The following TGFBR1 variants were observed in gnomAD, a reference collection of about 807,000 sequenced individuals.
TGFBR1 encodes transforming growth factor beta receptor 1.
Under a neutral mutation model 55.1 loss-of-function variants are expected in TGFBR1, and 20 were observed. The ratio of observed to expected loss-of-function variants is 0.36; its 90% CI spans 0.26 to 0.53. The LOEUF (loss-of-function observed/expected upper bound fraction) is 0.53. TGFBR1 is among the 20% of genes least tolerant of loss of function. TGFBR1 has a pLI of 0.91. For missense variants in TGFBR1, 385 were observed against 617.6 expected (o/e 0.62, Z 3.99); for synonymous variants, 220 against 214.8 (o/e 1.02, Z -0.21).
intron 3 of TGFBR1, among the ~76,000 whole-genome samples, chr9:99,134,037 T>C (rs1221901327): frequency 2.6e-5 from 4 of 151,668 alleles, no homozygotes; most frequent in Non-Finnish European, 5.9e-5. Context: ...ATTTTATAAT[T>C]GAGTGATATT....
intron 1 of TGFBR1, among the ~76,000 whole-genome samples, chr9:99,111,595 C>G (rs1190759661): frequency 1.3e-5 from 2 of 152,076 alleles, no homozygotes; most frequent in Non-Finnish European, 2.9e-5. Flanking sequence ...CGCCACTGCA[C>G]TCCAGCCCGG....
At chr9:99,149,057 A>G in intron 8 of TGFBR1, 123 bp from the exon 9 acceptor site, 1 of 1,048,638 alleles carries the variant, frequency 9.5e-7, no homozygotes, top group Non-Finnish European at 1.4e-6. Context: ...GCTATTACAA[A>G]TAATGCTTAA....
intron 1 of TGFBR1, among the ~76,000 whole-genome samples, chr9:99,115,207 T>G (rs1207771861): frequency 6.6e-6 from 1 of 152,150 alleles, no homozygotes; most frequent in Non-Finnish European, 1.5e-5. Flanking sequence ...TTTCTGCAGT[T>G]GCTGTACTAC....
At chr9:99,146,138 C>T (rs1246486719) in intron 6 of TGFBR1, among the ~76,000 whole-genome samples, 1 of 152,092 alleles carries the variant, frequency 6.6e-6, no homozygotes, top group Non-Finnish European at 1.5e-5. Flanking sequence ...CTTTCATCCT[C>T]AGTGAGAAGA....
chr9:99,130,995 G>A (rs552340573), intron 2 of TGFBR1, among the ~76,000 whole-genome samples: 12 of 152,240 alleles, frequency 7.9e-5, no homozygotes, highest in Admixed American at 5.9e-4. Flanking sequence ...CAGTTGGTGA[G>A]CATATTAAGA....
At chr9:99,134,182 G>A (rs1446216549) in intron 3 of TGFBR1, among the ~76,000 whole-genome samples, 4 of 152,128 alleles carry the variant, frequency 2.6e-5, no homozygotes, top group African/African-American at 4.8e-5. Context: ...ATATTGGTAT[G>A]TATGCATATC....
chr9:99,115,712 C>G (rs373956183), intron 1 of TGFBR1, among the ~76,000 whole-genome samples: 8 of 152,152 alleles, frequency 5.3e-5, no homozygotes, highest in African/African-American at 1.9e-4. Flanking sequence ...AGTACTTTCT[C>G]CAGTTGAAAA....
upstream of TGFBR1, among the ~76,000 whole-genome samples, chr9:99,104,828 C>T (rs909256313): frequency 2.6e-5 from 4 of 151,366 alleles, no homozygotes; most frequent in Non-Finnish European, 5.9e-5. Flanking sequence ...AGCGGCTGAG[C>T]GGTGCTGGGG....
intron 1 of TGFBR1, among the ~76,000 whole-genome samples, chr9:99,116,145 A>G (rs1343893904): frequency 6.7e-6 from 1 of 150,258 alleles, no homozygotes; most frequent in Non-Finnish European, 1.5e-5. Context: ...CTTTCTCCCC[A>G]TGATCATAAT....
chr9:99,154,180 A>C lies in TGFBR1; in HGVS notation c.*4875A>C, dbSNP rs1176419228. On this transcript the variant is annotated 3_prime_UTR_variant, in exon 9 of 9. Transcript: ENST00000374994. ...TTGGAAAAAAAGTGAAATTAAAGAC[A>C]TTCCCAGACAAATACTAAGACAATT... 9.1e-6 allele frequency: 2 copies of C among 220,286 alleles called. No individual in the cohort carries two copies. Among genetic ancestry groups the C allele is most frequent in the African/African-American group, 2.2e-5 (1 of 44,604 alleles). The allele number at this position is 220,286 out of a possible 1,614,324, so 13.6% of individuals were successfully genotyped here.
intron 6 of TGFBR1, 136 bp from the exon 7 acceptor site, chr9:99,146,349 T>C (rs1827794938): frequency 1.9e-6 from 2 of 1,064,226 alleles, no homozygotes; most frequent in Non-Finnish European, 2.8e-6. Flanking sequence ...ATATTTAATA[T>C]TTTTCTTGAG....
upstream of TGFBR1, among the ~76,000 whole-genome samples, chr9:99,104,574 G>C (rs1826342796): frequency 6.6e-6 from 1 of 152,122 alleles, no homozygotes; most frequent in Non-Finnish European, 1.5e-5. Flanking sequence ...TGCTGAAGTT[G>C]ATGCGTGGAC....
At chr9:99,107,997 C>T (rs758235477) in intron 1 of TGFBR1, among the ~76,000 whole-genome samples, 1 of 152,214 alleles carries the variant, frequency 6.6e-6, no homozygotes, top group Non-Finnish European at 1.5e-5. Context: ...TGTGCTGCTA[C>T]TTAACTCTAC....
intron 1 of TGFBR1, among the ~76,000 whole-genome samples, chr9:99,107,452 T>A (rs1017360057): frequency 3.9e-5 from 6 of 152,358 alleles, no homozygotes; most frequent in Non-Finnish European, 8.8e-5. Flanking sequence ...ATATCCCATC[T>A]GAGAATGCTA....
intron 5 of TGFBR1, among the ~76,000 whole-genome samples, chr9:99,144,102 T>A (rs538632422): frequency 6.6e-6 from 1 of 152,312 alleles, no homozygotes; most frequent in South Asian, 2.1e-4. Context: ...GCAGTGAACA[T>A]TTGTGTACAA....
chr9:99,108,750 G>A (rs1341107433), intron 1 of TGFBR1, among the ~76,000 whole-genome samples: 1 of 152,152 alleles, frequency 6.6e-6, no homozygotes, highest in Non-Finnish European at 1.5e-5. Context: ...ATTCTGTACT[G>A]TGGAATTTGG....
intron 1 of TGFBR1, among the ~76,000 whole-genome samples, chr9:99,119,050 T>A (rs1826829547): frequency 6.6e-6 from 1 of 152,066 alleles, no homozygotes; most frequent in Non-Finnish European, 1.5e-5. Context: ...CTCCTAAAGG[T>A]TTTTTCTTTC....
chr9:99,112,581 A>G (rs1826618931), intron 1 of TGFBR1, among the ~76,000 whole-genome samples: 1 of 152,212 alleles, frequency 6.6e-6, no homozygotes. Flanking sequence ...AAGTGTATGG[A>G]AAGTGCCTGG....
At chr9:99,106,477 TC>T (rs377157368) in intron 1 of TGFBR1, among the ~76,000 whole-genome samples, 57 of 152,332 alleles carry the variant, frequency 3.7e-4, no homozygotes, top group African/African-American at 1.3e-3. Context: ...TTATAATCAG[TC>T]CTAATAGCTA....
Sources: gnomAD v4.1 joint callset for allele counts (sites outside exome capture counted in the v4.1 genomes callset) on GRCh38, gnomAD v4.1.1 for gene constraint, MANE v1.5 for transcripts, NCBI Gene and HGNC (gene_info 2026-07-23, HGNC 2026-07-21) for gene names.